NPAS3: variants seen among roughly 807,000 people sequenced by gnomAD.
NPAS3 encodes neuronal PAS domain protein 3.
Under a neutral mutation model 73.1 loss-of-function variants are expected in NPAS3, and 14 were observed. That is an observed-to-expected ratio of 0.19 (90% CI 0.13 to 0.30). The LOEUF is 0.30. NPAS3 is among the 10% of genes least tolerant of loss of function. The pLI is 1.00. For missense variants in NPAS3, 1,096 were observed against 1,250.0 expected (o/e 0.88, Z 1.86); for synonymous variants, 620 against 541.5 (o/e 1.14, Z -2.01).
At chr14:33,324,880 T>C (rs566809441) in intron 3 of NPAS3, among the ~76,000 whole-genome samples, 22 of 152,270 alleles carry the variant, frequency 1.4e-4, no homozygotes, top group African/African-American at 5.3e-4. Flanking sequence ...ATTCAAAATA[T>C]GTTACGTGTC....
chr14:33,621,970 G>A (rs1040405241), intron 5 of NPAS3, among the ~76,000 whole-genome samples: 6 of 152,096 alleles, frequency 3.9e-5, no homozygotes, highest in Admixed American at 2.0e-4. Flanking sequence ...GAAACAAAGA[G>A]CCAGAAAGGT....
intron 2 of NPAS3, among the ~76,000 whole-genome samples, chr14:33,066,179 C>A (rs1290377675): frequency 6.6e-6 from 1 of 152,154 alleles, no homozygotes; most frequent in Non-Finnish European, 1.5e-5. Context: ...TTCTCATCCC[C>A]TGGAGAAATT....
At chr14:33,132,773 C>T (rs1272897566) in intron 2 of NPAS3, among the ~76,000 whole-genome samples, 1 of 152,088 alleles carries the variant, frequency 6.6e-6, no homozygotes, top group Non-Finnish European at 1.5e-5. Flanking sequence ...CATCAGTGTT[C>T]AAAGCCAGAT....
intron 3 of NPAS3, among the ~76,000 whole-genome samples, chr14:33,292,622 A>AT (rs754687348): frequency 6.6e-5 from 10 of 152,044 alleles, no homozygotes; most frequent in Non-Finnish European, 1.5e-4. Context: ...ATTTTTTGTT[A>AT]TTTTTTTAAA....
In NPAS3 at chr14:33,257,876, T is replaced by TA. The variant is rs577594066; in HGVS notation, c.385+42452dup. The stretch of plus-strand genomic sequence containing the variant: ...ATTTCAAGGGTATATTTTATGCCAG[T>TA]AATCATAAAGTAATCATTTTAGATT... On this transcript the variant is annotated intron_variant, in intron 3 of 11. Coordinates refer to ENST00000356141, the Ensembl canonical transcript of NPAS3. Among the ~76,000 whole-genome samples, 223 of 152,306 alleles carry TA rather than the reference T, an allele frequency of 1.5e-3. 6 individuals are homozygous for TA. The South Asian group carries it at 0.043, about 29-fold the overall frequency.
At chr14:32,983,984 A>C (rs2038001217) in intron 1 of NPAS3, among the ~76,000 whole-genome samples, 1 of 152,224 alleles carries the variant, frequency 6.6e-6, no homozygotes, top group African/African-American at 2.4e-5. Context: ...GGCCTCCCAA[A>C]GTGCTGGGAT....
chr14:33,627,669 C>A (rs939856397), intron 5 of NPAS3, among the ~76,000 whole-genome samples: 7 of 152,042 alleles, frequency 4.6e-5, no homozygotes, highest in African/African-American at 1.4e-4. Flanking sequence ...ACATCAATAA[C>A]AAAAAGGAGA....
intron 2 of NPAS3, among the ~76,000 whole-genome samples, chr14:33,078,142 A>T (rs1249512522): frequency 1.3e-5 from 2 of 152,268 alleles, no homozygotes; most frequent in East Asian, 1.9e-4. Context: ...GTTTCCAAAA[A>T]AAATAAATAA....
chr14:33,526,924 T>A (rs2140144674), intron 4 of NPAS3, among the ~76,000 whole-genome samples: 1 of 152,234 alleles, frequency 6.6e-6, no homozygotes, highest in Admixed American at 6.5e-5. Context: ...GAGAACAAGG[T>A]CCTTTCAAAA....
At chr14:32,989,544 T>C (rs1021013042) in intron 1 of NPAS3, among the ~76,000 whole-genome samples, 9 of 151,928 alleles carry the variant, frequency 5.9e-5, no homozygotes, top group Admixed American at 1.3e-4. Context: ...CGCGGCAGGC[T>C]GAGGCAGGAG....
chr14:33,097,621 G>T (rs1294265349), intron 2 of NPAS3, among the ~76,000 whole-genome samples: 1 of 152,174 alleles, frequency 6.6e-6, no homozygotes, highest in Non-Finnish European at 1.5e-5. Context: ...CAAAGTGGTT[G>T]TACCAATCAG....
At chr14:33,218,396 C>T (rs988420154) in intron 3 of NPAS3, among the ~76,000 whole-genome samples, 10 of 152,140 alleles carry the variant, frequency 6.6e-5, no homozygotes, top group African/African-American at 2.4e-4. Flanking sequence ...CATTTTATTG[C>T]TTTACTCTAG....
rs2044359941 is a variant in NPAS3, at chr14:33,149,262, TG to T, written c.141-65919del. Among the ~76,000 whole-genome samples the T allele has an allele frequency of 2.0e-5, 3 of 152,354 alleles. No homozygotes were observed. In the East Asian group the frequency reaches 5.8e-4, roughly 29 times the overall value. On this transcript the variant is annotated intron_variant, in intron 2 of 11. Transcript: ENST00000356141. ...TGATTTGAGAAAACTTGATACGCTT[TG>T]TGCCTCCTCTTGTTATTCCGAAGTG...
chr14:33,799,681 TTC>T lies in NPAS3; in HGVS notation c.1427-45_1427-44del, dbSNP rs926405248. ...TGGGTCGCCCCGCTAACCTGGTGTC[TTC>T]TCTCTCTTCTCTCTCCGCCCCCGCC... On this transcript the variant is annotated intron_variant, in intron 11 of 11. Transcript: ENST00000356141. 6 of 1,538,466 alleles carry T rather than the reference TTC, an allele frequency of 3.9e-6. No homozygotes were observed. The South Asian group carries it at 4.8e-5, about 12-fold the overall frequency.
At chr14:32,972,000 G>T (rs139553357) in intron 1 of NPAS3, among the ~76,000 whole-genome samples, 1 of 147,400 alleles carries the variant, frequency 6.8e-6, no homozygotes, top group Middle Eastern at 3.4e-3. Context: ...GTGCAGTGGC[G>T]CAATCTTGGC....
intron 1 of NPAS3, among the ~76,000 whole-genome samples, chr14:32,939,571 G>C (rs2035882476): frequency 7.2e-6 from 1 of 138,070 alleles, no homozygotes; most frequent in Non-Finnish European, 1.5e-5. Flanking sequence ...CGGCGGCCGG[G>C]CTCTCTGAGC....
chr14:33,650,076 A>G (rs901612531), intron 5 of NPAS3, among the ~76,000 whole-genome samples: 5 of 152,234 alleles, frequency 3.3e-5, no homozygotes, highest in Non-Finnish European at 7.3e-5. Context: ...AAATGGGACC[A>G]GGAGGATGTG....
chr14:33,109,057 T>C (rs1212870327), intron 2 of NPAS3, among the ~76,000 whole-genome samples: 1 of 152,208 alleles, frequency 6.6e-6, no homozygotes, highest in Non-Finnish European at 1.5e-5. Flanking sequence ...TCCAATAAAC[T>C]ATTCCTAGTA....
At chr14:33,647,294 A>C (rs61421949) in intron 5 of NPAS3, among the ~76,000 whole-genome samples, 24,486 of 145,768 alleles carry the variant, frequency 0.17, 2,014 homozygotes, top group East Asian at 0.27. Context: ...CTCTCTCTAT[A>C]TATATATATA....
Sources: gnomAD v4.1 joint callset for allele counts (sites outside exome capture counted in the v4.1 genomes callset) on GRCh38, gnomAD v4.1.1 for gene constraint, MANE v1.5 for transcripts, NCBI Gene and HGNC (gene_info 2026-07-23, HGNC 2026-07-21) for gene names.